KIF13B: variants seen among roughly 807,000 people sequenced by gnomAD.
The protein encoded by KIF13B is kinesin-like protein KIF13B.
KIF13B carries 127 observed loss-of-function variants against 222.0 expected under a neutral mutation model. The ratio of observed to expected loss-of-function variants is 0.57; its 90% CI spans 0.50 to 0.66. KIF13B has a LOEUF of 0.66. Ranked by LOEUF, KIF13B falls within the 30% of genes least tolerant of loss-of-function variation. The pLI is 0.00. For missense variants in KIF13B, 2,173 were observed against 2,379.0 expected (o/e 0.91, Z 1.80); for synonymous variants, 976 against 919.0 (o/e 1.06, Z -1.12).
chr8:29,152,878 G>A (rs73558578), intron 14 of KIF13B, among the ~76,000 whole-genome samples: 4,548 of 152,198 alleles, frequency 0.03, 223 homozygotes, highest in African/African-American at 0.1. Context: ...GCACCTAGCC[G>A]CAAAGTATTT....
At chr8:29,202,630 C>T (rs1813745889) in intron 2 of KIF13B, among the ~76,000 whole-genome samples, 1 of 152,168 alleles carries the variant, frequency 6.6e-6, no homozygotes, top group African/African-American at 2.4e-5. Context: ...GAATAATTAA[C>T]ACTGTTTCAA....
intron 25 of KIF13B, 131 bp downstream of exon 25, chr8:29,126,991 A>G (rs3763565): frequency 0.17 from 146,956 of 861,884 alleles, 13,471 homozygotes; most frequent in Admixed American, 0.32. Flanking sequence ...AGACACAAAA[A>G]AAGACAGCAA....
At chr8:29,191,334 A>AT (rs1287346296) in intron 3 of KIF13B, among the ~76,000 whole-genome samples, 1 of 151,750 alleles carries the variant, frequency 6.6e-6, no homozygotes, top group African/African-American at 2.4e-5. Flanking sequence ...TCTATAGTTT[A>AT]TTTTTTTGCA....
intron 14 of KIF13B, among the ~76,000 whole-genome samples, chr8:29,153,155 C>T (rs1422565568): frequency 2.0e-5 from 3 of 152,202 alleles, no homozygotes; most frequent in South Asian, 4.1e-4. Flanking sequence ...CAATAAATAA[C>T]CTCCATTTTT....
chr8:29,165,108 A>G (rs575534430), intron 12 of KIF13B, among the ~76,000 whole-genome samples: 35 of 152,196 alleles, frequency 2.3e-4, no homozygotes, highest in Non-Finnish European at 3.8e-4. Flanking sequence ...TTGGCCTTCC[A>G]AAATGCTGGG....
At chr8:29,250,497 C>G (rs1816236057) in intron 1 of KIF13B, among the ~76,000 whole-genome samples, 2 of 152,274 alleles carry the variant, frequency 1.3e-5, no homozygotes, top group Admixed American at 6.5e-5. Flanking sequence ...AAAAAATCAC[C>G]TAATAACTAA....
At chr8:29,229,446 T>A (rs963029730) in intron 2 of KIF13B, among the ~76,000 whole-genome samples, 1 of 152,216 alleles carries the variant, frequency 6.6e-6, no homozygotes, top group Non-Finnish European at 1.5e-5. Context: ...GATGCCTATA[T>A]CGTTTGTTGT....
At chr8:29,210,683 CA>C (rs1814181107) in intron 2 of KIF13B, among the ~76,000 whole-genome samples, 1 of 152,150 alleles carries the variant, frequency 6.6e-6, no homozygotes. Context: ...AATAAAATAA[CA>C]TGAATGACCT....
chr8:29,076,662 C>T (rs1452248672), intron 37 of KIF13B, among the ~76,000 whole-genome samples: 3 of 152,226 alleles, frequency 2.0e-5, no homozygotes, highest in African/African-American at 4.8e-5. Flanking sequence ...CACCTGAGGG[C>T]ACCACTATGA....
rs535727458 is a variant in KIF13B, at chr8:29,091,228, T to C, written c.4458+1517A>G. On this transcript the variant is annotated intron_variant, in intron 37 of 39. Transcript: ENST00000524189. ...ACATTTGTTTCTAACACACTGTTGT[T>C]CCTCTCACTTCCAGAGAGAGCTAAT... Among the ~76,000 whole-genome samples, 66 of 152,318 alleles carry C rather than the reference T, an allele frequency of 4.3e-4. 2 individuals are homozygous for C. The highest frequency in any genetic ancestry group is 1.4e-3 in the African/African-American group (59 of 41,576).
chr8:29,133,891 C>T, intron 22 of KIF13B, 149 bp downstream of exon 22: 1 of 694,840 alleles, frequency 1.4e-6, no homozygotes, highest in Non-Finnish European at 2.4e-6. Flanking sequence ...AGTATAGATG[C>T]ATTGACACTT....
At chr8:29,246,750 CAT>C (rs936089975) in intron 1 of KIF13B, among the ~76,000 whole-genome samples, 122 of 152,292 alleles carry the variant, frequency 8.0e-4, no homozygotes, top group African/African-American at 2.7e-3. Flanking sequence ...TAAGGAAAGA[CAT>C]ATATAAATCG....
Position 29,071,795 on chromosome 8 carries a change from GCCCGGGGCCGGCGCATTCCCCTCGGCC to G in KIF13B, c.5016_5042del (p.Glu1674_Ala1682del), listed in dbSNP as rs1563676235. 2 of 1,546,566 alleles carry G rather than the reference GCCCGGGGCCGGCGCATTCCCCTCGGCC, an allele frequency of 1.3e-6. No homozygotes were observed. The highest frequency in any genetic ancestry group is 2.4e-5 in the South Asian group (2 of 84,006). On this transcript the variant is annotated inframe_deletion, in exon 39 of 40. Coordinates refer to ENST00000524189, the MANE Select transcript of KIF13B (RefSeq NM_015254.4). This position sits in a 1 kb window ranked among gnomAD's most constrained non-coding sequence, Gnocchi z 4.9. ...CAGAGGCCAGGGCCTGTCCCCCGGC[GCCCGGGGCCGGCGCATTCCCCTCGGCC>G]CCCGGGGAGCAGCCGGGGTCCCCAG...
chr8:29,220,533 T>C (rs569532896), intron 2 of KIF13B, among the ~76,000 whole-genome samples: 1 of 147,854 alleles, frequency 6.8e-6, no homozygotes, highest in Non-Finnish European at 1.5e-5. Context: ...TGTTTCTAAG[T>C]AAATAAAATT....
chr8:29,252,774 G>A (rs1182166221), intron 1 of KIF13B, among the ~76,000 whole-genome samples: 1 of 152,108 alleles, frequency 6.6e-6, no homozygotes, highest in African/African-American at 2.4e-5. Context: ...GGCATAGCAG[G>A]AAACACTACC....
chr8:29,204,481 G>A (rs1813839819), intron 2 of KIF13B, among the ~76,000 whole-genome samples: 1 of 152,204 alleles, frequency 6.6e-6, no homozygotes, highest in Non-Finnish European at 1.5e-5. Context: ...GGAGGCTGAG[G>A]TGGGAGGATT....
intron 10 of KIF13B, among the ~76,000 whole-genome samples, chr8:29,172,700 T>C (rs968774121): frequency 1.3e-5 from 2 of 152,148 alleles, no homozygotes; most frequent in Non-Finnish European, 2.9e-5. Context: ...CTGCCATTCA[T>C]TAGTTCTGCA....
chr8:29,174,606 A>G (rs1812400310), intron 10 of KIF13B, among the ~76,000 whole-genome samples: 1 of 152,138 alleles, frequency 6.6e-6, no homozygotes. Context: ...ATCTCTTACT[A>G]TCTGATGTTT....
intron 2 of KIF13B, among the ~76,000 whole-genome samples, chr8:29,233,310 G>A (rs537914330): frequency 6.6e-6 from 1 of 152,248 alleles, no homozygotes; most frequent in South Asian, 2.1e-4. Context: ...ACCCCAAAAG[G>A]AGAGGGAATA....
Sources: allele counts gnomAD v4.1 joint callset (sites outside exome capture counted in the v4.1 genomes callset), GRCh38; gene constraint gnomAD v4.1.1; non-coding constraint Gnocchi (gnomAD v3.1); transcripts MANE v1.5; gene names NCBI Gene and HGNC (gene_info 2026-07-23, HGNC 2026-07-21).